Variants in GALNTL6 observed in about 807,000 individuals in gnomAD.
GALNTL6 encodes the protein polypeptide N-acetylgalactosaminyltransferase-like 6.
In GALNTL6, 46 loss-of-function variants were observed where a neutral mutation model predicts 73.7. The observed-to-expected ratio is 0.62, with a 90% CI of 0.49 to 0.80. The LOEUF is 0.80. GALNTL6 is among the 30% of genes least tolerant of loss of function. GALNTL6 has a pLI of 0.00. For synonymous variants in GALNTL6, 259 were observed against 263.7 expected (o/e 0.98, Z 0.17); for missense variants, 604 against 755.0 (o/e 0.80, Z 2.34).
intron 5 of GALNTL6, among the ~76,000 whole-genome samples, chr4:172,564,537 T>C (rs1736489057): frequency 6.6e-6 from 1 of 152,204 alleles, no homozygotes; most frequent in African/African-American, 2.4e-5. Flanking sequence ...AAAAGCTGAA[T>C]GGAAGAAGAG....
chr4:171,992,532 T>G (rs1397654642), intron 2 of GALNTL6, among the ~76,000 whole-genome samples: 2 of 152,116 alleles, frequency 1.3e-5, no homozygotes, highest in African/African-American at 4.8e-5. Context: ...CTTCTTACTC[T>G]ACCTAGTATC....
At chr4:172,033,892 C>T (rs17057944) in intron 2 of GALNTL6, among the ~76,000 whole-genome samples, 3,021 of 152,180 alleles carry the variant, frequency 0.02, 91 homozygotes, top group African/African-American at 0.068. Context: ...CATTTGGAGA[C>T]TTCTGAATTA....
intron 2 of GALNTL6, among the ~76,000 whole-genome samples, chr4:172,122,508 T>C (rs1260608021): frequency 1.3e-5 from 2 of 152,210 alleles, no homozygotes; most frequent in African/African-American, 4.8e-5. Flanking sequence ...TGGTTTCAGC[T>C]TATACAGCTT....
At chr4:172,264,733 C>A (rs1246571965) in intron 3 of GALNTL6, among the ~76,000 whole-genome samples, 1 of 149,544 alleles carries the variant, frequency 6.7e-6, no homozygotes, top group African/African-American at 2.4e-5. Flanking sequence ...GGCTTCACAT[C>A]ATTTATACAG....
chr4:172,424,028 A>C (rs1182193147), intron 5 of GALNTL6, among the ~76,000 whole-genome samples: 1 of 152,048 alleles, frequency 6.6e-6, no homozygotes, highest in Non-Finnish European at 1.5e-5. Context: ...GTATACAAAA[A>C]AAGATTTTGT....
chr4:172,822,528 T>C (rs962262477), intron 7 of GALNTL6, among the ~76,000 whole-genome samples: 3 of 152,188 alleles, frequency 2.0e-5, no homozygotes, highest in Non-Finnish European at 4.4e-5. Context: ...AACTATCCTC[T>C]GTGTTTCTTT....
At chr4:171,818,618 T>C (rs2110798361) in intron 2 of GALNTL6, among the ~76,000 whole-genome samples, 1 of 150,950 alleles carries the variant, frequency 6.6e-6, no homozygotes, top group East Asian at 1.9e-4. Flanking sequence ...CTCTTTGAAA[T>C]TGTGGAACCC....
At chr4:171,889,340 C>T (rs1312789209) in intron 2 of GALNTL6, among the ~76,000 whole-genome samples, 1 of 152,018 alleles carries the variant, frequency 6.6e-6, no homozygotes, top group Non-Finnish European at 1.5e-5. Flanking sequence ...TTGCTTCAGT[C>T]TTTCATTGAC....
At chr4:172,189,769 A>T (rs1268961621) in intron 2 of GALNTL6, among the ~76,000 whole-genome samples, 1 of 152,132 alleles carries the variant, frequency 6.6e-6, no homozygotes, top group Admixed American at 6.6e-5. Flanking sequence ...TTAAGATTCT[A>T]TGCAGTTTGT....
chr4:172,939,717 G>C (rs1748820608), intron 9 of GALNTL6, among the ~76,000 whole-genome samples: 1 of 152,150 alleles, frequency 6.6e-6, no homozygotes, highest in Admixed American at 6.5e-5. Context: ...ATTTCTGGTA[G>C]ACAACACTGG....
Position 173,036,584 on chromosome 4 carries a change from GCAAAA to G in GALNTL6, c.1639-3337_1639-3333del, listed in dbSNP as rs551517645. ...TCTCAAGGATTTCTAATTTTCTCAG[GCAAAA>G]CAAAACAAAACCAAAACAAACAGAA... On this transcript the variant is annotated intron_variant, in intron 12 of 12. Coordinates refer to ENST00000506823, the MANE Select transcript of GALNTL6 (RefSeq NM_001034845.3). Among the ~76,000 whole-genome samples the G allele has an allele frequency of 1.6e-4, 25 of 152,196 alleles. No homozygotes were observed. In the South Asian group the frequency reaches 5.2e-3, roughly 32 times the overall value.
intron 11 of GALNTL6, among the ~76,000 whole-genome samples, chr4:173,015,925 C>T (rs534580740): frequency 1.3e-5 from 2 of 152,336 alleles, no homozygotes; most frequent in Non-Finnish European, 1.5e-5. Context: ...GGGCCAGGCC[C>T]AGGGCCCCCT....
chr4:173,032,961 T>A (rs13145272), intron 12 of GALNTL6, among the ~76,000 whole-genome samples: 55,529 of 152,076 alleles, frequency 0.37, 10,806 homozygotes, highest in African/African-American at 0.48. Context: ...GTCTCAGCAC[T>A]CACACCAAGG....
chr4:172,526,065 G>A (rs1284152730), intron 5 of GALNTL6, among the ~76,000 whole-genome samples: 8 of 152,146 alleles, frequency 5.3e-5, no homozygotes, highest in African/African-American at 1.7e-4. Flanking sequence ...TCTGTTGTGT[G>A]TGAATTAGTG....
chr4:172,489,213 A>G (rs1008080014), intron 5 of GALNTL6, among the ~76,000 whole-genome samples: 2 of 152,214 alleles, frequency 1.3e-5, no homozygotes, highest in African/African-American at 4.8e-5. Flanking sequence ...TCCCACTTCT[A>G]TAGTATAATT....
At chr4:171,986,905 C>T (rs566004886) in intron 2 of GALNTL6, among the ~76,000 whole-genome samples, 25 of 152,194 alleles carry the variant, frequency 1.6e-4, no homozygotes, top group African/African-American at 6.0e-4. Flanking sequence ...GGGAATAGTA[C>T]CAGGAGATAT....
intron 7 of GALNTL6, among the ~76,000 whole-genome samples, chr4:172,827,052 TC>T (rs1742307784): frequency 6.6e-6 from 1 of 152,254 alleles, no homozygotes; most frequent in African/African-American, 2.4e-5. Context: ...AGCAGACCTT[TC>T]AAAAGAGGCT....
chr4:172,358,079 A>G (rs1203067526), intron 5 of GALNTL6, among the ~76,000 whole-genome samples: 2 of 152,088 alleles, frequency 1.3e-5, no homozygotes, highest in Non-Finnish European at 2.9e-5. Flanking sequence ...CTATTTATTT[A>G]TTTTACAATA....
At chr4:171,975,838 A>G (rs923116235) in intron 2 of GALNTL6, among the ~76,000 whole-genome samples, 13 of 152,228 alleles carry the variant, frequency 8.5e-5, no homozygotes, top group African/African-American at 2.9e-4. Context: ...AGTTCAAATT[A>G]TCAAAATTTT....
Sources: gnomAD v4.1 joint callset for allele counts (sites outside exome capture counted in the v4.1 genomes callset) on GRCh38, gnomAD v4.1.1 for gene constraint, MANE v1.5 for transcripts, NCBI Gene and HGNC (gene_info 2026-07-23, HGNC 2026-07-21) for gene names.